The following ZNF738 variants were observed in gnomAD, a reference collection of about 807,000 sequenced individuals.
ZNF738 encodes zinc finger protein 738, also known as protein ZNF738.
ZNF738 carries 10 observed loss-of-function variants against 9.2 expected under a neutral mutation model. The ratio of observed to expected loss-of-function variants is 1.09; its 90% CI spans 0.67 to 1.85. The LOEUF is 1.85. Ranked by LOEUF, ZNF738 falls within the 40% of genes most tolerant of loss-of-function variation. ZNF738 has a pLI of 0.00. For synonymous variants in ZNF738, 113 were observed against 94.5 expected (o/e 1.20, Z -1.14); for missense variants, 346 against 283.6 (o/e 1.22, Z -1.58).
intron 4 of ZNF738, chr19:21,376,218 C>T: frequency 3.1e-6 from 1 of 321,996 alleles, no homozygotes. Flanking sequence ...TTCAAGTTCA[C>T]AGTGAGAGCC....
At chr19:21,364,432 T>C (rs928419965) in intron 2 of ZNF738, among the ~76,000 whole-genome samples, 1 of 152,080 alleles carries the variant, frequency 6.6e-6, no homozygotes, top group Non-Finnish European at 1.5e-5. Context: ...TGAAATTGTA[T>C]AATGGCTCAG....
intron 4 of ZNF738, among the ~76,000 whole-genome samples, chr19:21,377,214 G>A (rs1312673598): frequency 1.3e-5 from 2 of 151,936 alleles, no homozygotes; most frequent in Non-Finnish European, 2.9e-5. Flanking sequence ...GGCGGAGGCA[G>A]AAGAATCGCT....
At chr19:21,367,577 G>A (rs1454496966) in intron 2 of ZNF738, among the ~76,000 whole-genome samples, 3 of 152,134 alleles carry the variant, frequency 2.0e-5, no homozygotes, top group African/African-American at 4.8e-5. Flanking sequence ...TATCACAGAC[G>A]CCTGGCCTGC....
chr19:21,382,352 C>T (rs1974016965), intron 4 of ZNF738, among the ~76,000 whole-genome samples: 1 of 151,938 alleles, frequency 6.6e-6, no homozygotes, highest in African/African-American at 2.4e-5. Context: ...AACAATTCTG[C>T]CTCAGCCTTC....
chr19:21,380,648 A>G (rs1973991989), intron 4 of ZNF738, among the ~76,000 whole-genome samples: 1 of 152,234 alleles, frequency 6.6e-6, no homozygotes, highest in South Asian at 2.1e-4. Flanking sequence ...TAATACCATC[A>G]CTGAGAACTA....
Position 21,383,035 on chromosome 19 carries a change from A to G in ZNF738, c.489A>G (p.Glu163=). The change falls in exon 5 of 5, where the codon GAA becomes GAG. Residue 163 remains glutamate (E), a synonymous_variant. Coordinates refer to ENST00000683779, the MANE Select transcript of ZNF738 (RefSeq NM_001355237.2). ...ECNVQKEGYN[E]LKEYLTTTQS... ...ATGTGCAAAAAGAAGGTTATAATGA[A>G]CTAAAAGAGTATTTGACAACTACCC... is the stretch of plus-strand genomic sequence containing the variant. 1.2e-6 allele frequency: 1 copy of G among 865,892 alleles called. No homozygotes were observed. The highest frequency in any genetic ancestry group is 2.0e-6 in the Non-Finnish European group (1 of 511,058). The allele number at this position is 865,892 out of a possible 1,614,324, so 53.6% of individuals were successfully genotyped here.
At position 21,382,885 on chromosome 19, in the gene ZNF738, C is replaced by T; in HGVS notation, c.339C>T (p.Ala113=). Residue 113 remains alanine, a synonymous_variant, in exon 5 of 5, where the codon GCC becomes GCT. Coordinates refer to ENST00000683779, the MANE Select transcript of ZNF738 (RefSeq NM_001355237.2). The stretch of plus-strand genomic sequence containing the variant: ...TTTCAGTTACATATTCTCATTTTGC[C>T]CAGGACCTTTGGCCACAGCCGGGCA... ...ATPPVTYSHF[A]QDLWPQPGIK... 7 of 482,178 alleles carry T rather than the reference C, an allele frequency of 1.5e-5. No individual in the cohort carries two copies. Among genetic ancestry groups the T allele is most frequent in the South Asian group, 2.2e-5 (1 of 45,944 alleles). The allele number at this position is 482,178 out of a possible 1,614,324, so 29.9% of individuals were successfully genotyped here.
intron 1 of ZNF738, 141 bp from the exon 2 acceptor site, chr19:21,361,625 G>T: frequency 4.6e-6 from 3 of 657,048 alleles, no homozygotes; most frequent in South Asian, 3.3e-5. Flanking sequence ...AATTTATGGG[G>T]TGATGTGTCC....
In ZNF738 at chr19:21,359,239, GCT is replaced by G. The variant is rs1973649836; in HGVS notation, c.3+99_3+100del. ...CGAGACTCAGGCCTCCCCGCAGTCA[GCT>G]CTACAATCTGCGCCCCGAGTTCTCC... is the stretch of plus-strand genomic sequence containing the variant. On this transcript the variant is annotated intron_variant, in intron 1 of 4. Transcript: ENST00000683779. 4 of 869,934 alleles carry G rather than the reference GCT, an allele frequency of 4.6e-6. No homozygotes were observed. The Admixed American group carries it at 6.8e-5, about 15-fold the overall frequency. The allele number at this position is 869,934 out of a possible 1,614,324, so 53.9% of individuals were successfully genotyped here.
chr19:21,385,087 A>T lies in ZNF738; in HGVS notation c.*1413A>T, dbSNP rs567426602. On this transcript the variant is annotated 3_prime_UTR_variant, in exon 5 of 5. Coordinates refer to ENST00000683779, the MANE Select transcript of ZNF738 (RefSeq NM_001355237.2). ...AGAGTTTGACTGGGTGCGGTGGCTC[A>T]TGCCTGTAATCCCAGCACTTTGGGA... is the stretch of plus-strand genomic sequence containing the variant. Among the ~76,000 whole-genome samples, 33 of 152,336 alleles carry T rather than the reference A, an allele frequency of 2.2e-4. No individual in the cohort carries two copies. The highest frequency in any genetic ancestry group is 3.8e-4 in the Non-Finnish European group (26 of 68,030).
In ZNF738 at chr19:21,386,477, T is replaced by C. The variant is rs1974068684; in HGVS notation, c.*2803T>C. On this transcript the variant is annotated 3_prime_UTR_variant, in exon 5 of 5. Coordinates refer to ENST00000683779, the MANE Select transcript of ZNF738 (RefSeq NM_001355237.2). ...TCCTCAACTCCCACTAAACATAACA[T>C]AATTCATACTGGAGAGAAACCTCAC... is the stretch of plus-strand genomic sequence containing the variant. The C allele has an allele frequency of 5.9e-6, 2 of 339,044 alleles. No homozygotes were observed. Among genetic ancestry groups the C allele is most frequent in the Non-Finnish European group, 6.0e-6 (1 of 165,402 alleles). The allele number at this position is 339,044 out of a possible 1,614,324, so 21.0% of individuals were successfully genotyped here.
rs775276979 is a variant in ZNF738 at position 21,385,925 on chromosome 19, T to C, written c.*2251T>C. Among the ~76,000 whole-genome samples, 2 of 151,606 alleles carry C rather than the reference T, an allele frequency of 1.3e-5. No homozygotes were observed. Among genetic ancestry groups the C allele is most frequent in the African/African-American group, 2.4e-5 (1 of 41,232 alleles). On this transcript the variant is annotated 3_prime_UTR_variant, in exon 5 of 5. Coordinates refer to ENST00000683779, the MANE Select transcript of ZNF738 (RefSeq NM_001355237.2). Reference sequence around the variant, plus strand: ...AAACAGAATTCATAGCAGAGAGAAATCCTACAAATATGAAGAATGTCACAA... The same window carrying C: ...AAACAGAATTCATAGCAGAGAGAAACCCTACAAATATGAAGAATGTCACAA...
At chr19:21,381,353 A>T (rs1974001607) in intron 4 of ZNF738, 3 of 1,509,322 alleles carry the variant, frequency 2.0e-6, no homozygotes, top group Admixed American at 1.7e-5. Flanking sequence ...TTTCTTTTTG[A>T]TGAATACTCT....
chr19:21,384,974 T>C lies in ZNF738; in HGVS notation c.*1300T>C. Among the ~76,000 whole-genome samples the C allele has an allele frequency of 6.6e-6, 1 of 152,224 alleles. No individual in the cohort carries two copies. The highest frequency in any genetic ancestry group is 1.5e-5 in the Non-Finnish European group (1 of 68,048). Reference sequence around the variant, plus strand: ...ACCAGTACTCATACTTTACTACACATAGGAGAATTCATGCGGAAGAGAATT... The same window carrying C: ...ACCAGTACTCATACTTTACTACACACAGGAGAATTCATGCGGAAGAGAATT... On this transcript the variant is annotated 3_prime_UTR_variant, in exon 5 of 5. Coordinates refer to ENST00000683779, the MANE Select transcript of ZNF738 (RefSeq NM_001355237.2).
intron 4 of ZNF738, chr19:21,381,115 A>G (rs1326503248): frequency 2.8e-5 from 20 of 720,568 alleles, no homozygotes; most frequent in Non-Finnish European, 4.3e-5. Flanking sequence ...TTTTCCTTAC[A>G]AGGCAGCAGC....
chr19:21,372,581 T>G (rs552812873), intron 2 of ZNF738: 1 of 152,344 alleles, frequency 6.6e-6, no homozygotes, highest in African/African-American at 2.4e-5. Flanking sequence ...ACAGAAACGT[T>G]CCATTTAGCA....
At chr19:21,374,539 T>C (rs1001048268) in intron 2 of ZNF738, among the ~76,000 whole-genome samples, 3 of 152,264 alleles carry the variant, frequency 2.0e-5, no homozygotes, top group African/African-American at 7.2e-5. Context: ...TAGAGTTAAT[T>C]ATTTTTCTCC....
At position 21,375,324 on chromosome 19, in the gene ZNF738, G is replaced by A. The variant is rs749585433; in HGVS notation, c.183G>A (p.Arg61=). The A allele has an allele frequency of 3.8e-6, 4 of 1,059,176 alleles. No individual in the cohort carries two copies. The highest frequency in any genetic ancestry group is 3.1e-5 in the African/African-American group (2 of 64,214). The allele number at this position is 1,059,176 out of a possible 1,614,324, so 65.6% of individuals were successfully genotyped here. A position where few individuals can be genotyped will look rare whatever the true frequency, so the allele number is the denominator to read the frequency against. The change falls in exon 3 of 5, where the codon AGG becomes AGA. Residue 61 remains arginine (R), a synonymous_variant. Transcript: ENST00000683779. ...ACACTGCTCAGCAAGATTTGTATAG[G>A]AAAGTGATGTTAGAGAACTTCAGAA... ...CLDTAQQDLY[R]KVMLENFRNL...
At chr19:21,366,183 A>T (rs764381748) in intron 2 of ZNF738, among the ~76,000 whole-genome samples, 15 of 152,200 alleles carry the variant, frequency 9.9e-5, no homozygotes, top group Non-Finnish European at 1.9e-4. Context: ...AGACAGATTA[A>T]TCCAAAAAGA....
Sources: gnomAD v4.1 joint callset for allele counts (sites outside exome capture counted in the v4.1 genomes callset) on GRCh38, gnomAD v4.1.1 for gene constraint, MANE v1.5 for transcripts, NCBI Gene and HGNC (gene_info 2026-07-23, HGNC 2026-07-21) for gene names.